The following OR9Q1 variants were observed in gnomAD, a reference collection of about 807,000 sequenced individuals.
The protein encoded by OR9Q1 is olfactory receptor family 9 subfamily Q member 1, also known as olfactory receptor 9Q1.
For synonymous variants in OR9Q1, 153 were observed against 148.6 expected (o/e 1.03, Z -0.22); for missense variants, 374 against 378.8 (o/e 0.99, Z 0.11).
chr11:58,105,080 AT>A (rs5792080), intron 2 of OR9Q1, among the ~76,000 whole-genome samples: 41,824 of 149,076 alleles, frequency 0.28, 6,828 homozygotes, highest in Middle Eastern at 0.49. Flanking sequence ...GAGAAGGTAG[AT>A]TTTTTTTTTT....
chr11:58,057,365 C>T (rs547759905), intron 2 of OR9Q1, among the ~76,000 whole-genome samples: 10 of 152,172 alleles, frequency 6.6e-5, no homozygotes, highest in African/African-American at 2.2e-4. Context: ...ATGACTAGGC[C>T]AAGCACTCAG....
chr11:58,136,675 T>A (rs1426654933), intron 2 of OR9Q1, among the ~76,000 whole-genome samples: 1 of 152,160 alleles, frequency 6.6e-6, no homozygotes. Context: ...AACTTCTAGC[T>A]CCTCTGAAGA....
At chr11:58,069,646 C>G (rs187048408) in intron 2 of OR9Q1, among the ~76,000 whole-genome samples, 1 of 152,058 alleles carries the variant, frequency 6.6e-6, no homozygotes, top group Non-Finnish European at 1.5e-5. Context: ...GGCTGAAGCA[C>G]GAGAATTGCT....
At chr11:58,175,700 C>A (rs1046599261) in intron 2 of OR9Q1, among the ~76,000 whole-genome samples, 39 of 151,936 alleles carry the variant, frequency 2.6e-4, no homozygotes, top group African/African-American at 9.4e-4. Flanking sequence ...ACATCTCTTG[C>A]TCTCTTTTAG....
chr11:58,136,142 A>G (rs757332530), intron 2 of OR9Q1, among the ~76,000 whole-genome samples: 4 of 152,142 alleles, frequency 2.6e-5, no homozygotes, highest in Non-Finnish European at 5.9e-5. Flanking sequence ...ATAACCTACC[A>G]TGGTTATCAT....
rs1554965484 is a variant in OR9Q1 at position 58,053,609 on chromosome 11, A to AAAAAATATATATAT, written c.-92-2257_-92-2256insATATATATATAAAA. 7.3e-5 allele frequency among the ~76,000 whole-genome samples: 5 copies of AAAAAATATATATAT among 68,750 alleles called. No homozygotes were observed. The Admixed American group carries it at 8.5e-4, about 12-fold the overall frequency. 45.1% of individuals were successfully genotyped at this position (68,750 alleles called of 152,430 possible). ...AACTTAAAGTATAATAATAAAATTA[A>AAAAAATATATATAT]AAAATATATATATATATAAAATATA... On this transcript the variant is annotated intron_variant, in intron 1 of 2. Transcript: ENST00000335397.
intron 2 of OR9Q1, among the ~76,000 whole-genome samples, chr11:58,132,076 T>A (rs1854146957): frequency 6.6e-6 from 1 of 152,136 alleles, no homozygotes; most frequent in South Asian, 2.1e-4. Flanking sequence ...TCCCAGGAGG[T>A]GGGCATATAG....
chr11:58,092,389 AT>A (rs1329899694), intron 2 of OR9Q1, among the ~76,000 whole-genome samples: 1 of 150,982 alleles, frequency 6.6e-6, no homozygotes, highest in Non-Finnish European at 1.5e-5. Context: ...TTGATGTGCA[AT>A]TTTTTTGCTT....
At chr11:58,082,002 C>A (rs1434867711) in intron 2 of OR9Q1, among the ~76,000 whole-genome samples, 1 of 151,532 alleles carries the variant, frequency 6.6e-6, no homozygotes, top group Non-Finnish European at 1.5e-5. Flanking sequence ...CCAAAAGACA[C>A]ATGAAAAAAT....
chr11:58,053,630 A>AATTATATATATATTATATATATATAAAT (rs1491043862), intron 1 of OR9Q1, among the ~76,000 whole-genome samples: 8 of 75,388 alleles, frequency 1.1e-4, no homozygotes, highest in South Asian at 3.0e-4. Context: ...TATATATAAA[A>AATTATATATATATTATATATATATAAAT]TATATATATA....
rs184501568 is a variant in OR9Q1, at chr11:58,113,902, A to G, written c.-15+57955A>G. Among the ~76,000 whole-genome samples, 77 of 152,338 alleles carry G rather than the reference A, an allele frequency of 5.1e-4. 2 individuals are homozygous for G. The East Asian group carries it at 0.014, about 27-fold the overall frequency. On this transcript the variant is annotated intron_variant, in intron 2 of 2. Coordinates refer to ENST00000335397, the MANE Select transcript of OR9Q1 (RefSeq NM_001005212.4). The stretch of plus-strand genomic sequence containing the variant: ...AGCATAATATAATTATAGAATTTAC[A>G]TTACCTCATAGGGAAAGAGCTGGTC...
At chr11:58,168,058 T>C (rs1854521881) in intron 2 of OR9Q1, among the ~76,000 whole-genome samples, 1 of 152,190 alleles carries the variant, frequency 6.6e-6, no homozygotes, top group South Asian at 2.1e-4. Flanking sequence ...AAAAATCTCC[T>C]TGAGAGTTTT....
chr11:58,137,595 G>A (rs1854201528), intron 2 of OR9Q1, among the ~76,000 whole-genome samples: 1 of 152,128 alleles, frequency 6.6e-6, no homozygotes, highest in South Asian at 2.1e-4. Context: ...GCATAGAAAG[G>A]TACTCACTGC....
intron 1 of OR9Q1, among the ~76,000 whole-genome samples, chr11:58,039,468 G>A (rs1000639986): frequency 6.6e-6 from 1 of 152,170 alleles, no homozygotes; most frequent in Non-Finnish European, 1.5e-5. Flanking sequence ...TTTGTGTAAC[G>A]AGAGTAAAGC....
intron 2 of OR9Q1, among the ~76,000 whole-genome samples, chr11:58,095,408 G>A (rs1482108119): frequency 6.6e-6 from 1 of 152,186 alleles, no homozygotes; most frequent in African/African-American, 2.4e-5. Flanking sequence ...TTAATAGAGA[G>A]CATCTTGTGT....
intron 2 of OR9Q1, among the ~76,000 whole-genome samples, chr11:58,129,102 T>C (rs913150082): frequency 6.6e-6 from 1 of 152,180 alleles, no homozygotes; most frequent in Non-Finnish European, 1.5e-5. Context: ...TACATATCTC[T>C]TACAGGTTTG....
At chr11:58,105,576 T>C (rs1198874382) in intron 2 of OR9Q1, among the ~76,000 whole-genome samples, 1 of 152,206 alleles carries the variant, frequency 6.6e-6, no homozygotes. Flanking sequence ...AGGCTCTAGG[T>C]TGTGCAGTAG....
At chr11:58,082,769 AT>A (rs200842951) in intron 2 of OR9Q1, among the ~76,000 whole-genome samples, 28,885 of 141,652 alleles carry the variant, frequency 0.2, 3,508 homozygotes, top group East Asian at 0.54. Context: ...AATAATAATA[AT>A]AAAAAGTTAG....
chr11:58,085,564 C>T (rs1405582137), intron 2 of OR9Q1, among the ~76,000 whole-genome samples: 1 of 151,688 alleles, frequency 6.6e-6, no homozygotes, highest in Non-Finnish European at 1.5e-5. Context: ...ATTTCCTCTC[C>T]CCCAAAACCT....
Sources: gnomAD v4.1 joint callset for allele counts (sites outside exome capture counted in the v4.1 genomes callset) on GRCh38, gnomAD v4.1.1 for gene constraint, MANE v1.5 for transcripts, NCBI Gene and HGNC (gene_info 2026-07-23, HGNC 2026-07-21) for gene names.